The following CENPK variants were observed in gnomAD, a reference collection of about 807,000 sequenced individuals.
The protein encoded by CENPK is centromere protein K, also known as SoxLZ/Sox6-binding protein Solt.
In CENPK, 46 loss-of-function variants were observed where a neutral mutation model predicts 40.9. That is an observed-to-expected ratio of 1.13 (90% CI 0.89 to 1.44). The LOEUF is 1.44. Among genes scored for constraint, CENPK ranks in the 40% most tolerant of loss-of-function variants. CENPK has a pLI of 0.00. For synonymous variants in CENPK, 107 were observed against 104.4 expected (o/e 1.02, Z -0.15); for missense variants, 288 against 303.5 (o/e 0.95, Z 0.38).
chr5:65,506,314 T>C, the CENPK span, among the ~76,000 whole-genome samples: 4 of 149,802 alleles, frequency 2.7e-5, no homozygotes, highest in South Asian at 4.2e-4. Context: ...TCAAAGCCAC[T>C]GAACTCCAGC....
intron 1 of CENPK, among the ~76,000 whole-genome samples, chr5:65,562,302 T>C (rs571061440): frequency 6.6e-6 from 1 of 152,208 alleles, no homozygotes; most frequent in South Asian, 2.1e-4. Flanking sequence ...CAAGGGAAAT[T>C]TGTGAGACAC....
the CENPK span, among the ~76,000 whole-genome samples, chr5:65,497,877 C>T: frequency 6.6e-6 from 1 of 151,742 alleles, no homozygotes; most frequent in Non-Finnish European, 1.5e-5. Context: ...TTCAAACAAA[C>T]AAATAAATAA....
chr5:65,498,442 C>A, the CENPK span, among the ~76,000 whole-genome samples: 7 of 151,844 alleles, frequency 4.6e-5, no homozygotes, highest in Non-Finnish European at 1.0e-4. Context: ...TTCCTTTAAA[C>A]CTCTTTACCT....
At chr5:65,504,627 C>G in the CENPK span, among the ~76,000 whole-genome samples, 1 of 151,990 alleles carries the variant, frequency 6.6e-6, no homozygotes, top group Non-Finnish European at 1.5e-5. Flanking sequence ...TAGGCTAATA[C>G]AAACTTTGTA....
chr5:65,535,747 A>G (rs1242660558), intron 6 of CENPK, among the ~76,000 whole-genome samples: 1 of 152,212 alleles, frequency 6.6e-6, no homozygotes, highest in Non-Finnish European at 1.5e-5. Context: ...AACCAAGAGA[A>G]CAGCAGTTCT....
At chr5:65,558,169 T>G (rs955926093) in intron 2 of CENPK, among the ~76,000 whole-genome samples, 5 of 151,508 alleles carry the variant, frequency 3.3e-5, no homozygotes, top group Non-Finnish European at 7.4e-5. Flanking sequence ...CACACACATT[T>G]TTTTTTCTTT....
intron 3 of CENPK, 78 bp downstream of exon 3, chr5:65,554,719 T>C (rs1750697385): frequency 9.7e-6 from 8 of 822,180 alleles, no homozygotes. Flanking sequence ...AGCACAATCA[T>C]TTCTTTCCTG....
At position 65,532,203 on chromosome 5, in the gene CENPK, G is replaced by A. The variant is rs557884033; in HGVS notation, c.289-3004C>T. Reference sequence around the variant, plus strand: ...ATTTAGACAAATAAGAAATATGACTGGCTCCAGAGAAATAGAATTTGTAAT... The same window carrying A: ...ATTTAGACAAATAAGAAATATGACTAGCTCCAGAGAAATAGAATTTGTAAT... On this transcript the variant is annotated intron_variant, in intron 6 of 10. Coordinates refer to ENST00000396679, the MANE Select transcript of CENPK (RefSeq NM_022145.5). Among the ~76,000 whole-genome samples, 71 of 152,184 alleles carry A rather than the reference G, an allele frequency of 4.7e-4. No homozygotes were observed. The South Asian group carries it at 0.013, about 29-fold the overall frequency.
At chr5:65,496,916 G>T in the CENPK span, among the ~76,000 whole-genome samples, 1 of 151,698 alleles carries the variant, frequency 6.6e-6, no homozygotes, top group Non-Finnish European at 1.5e-5. Context: ...AATTAGCCAG[G>T]CGTGGTGGCG....
intron 8 of CENPK, 130 bp from the exon 9 acceptor site, chr5:65,528,708 T>A: frequency 8.4e-7 from 1 of 1,195,836 alleles, no homozygotes; most frequent in Non-Finnish European, 1.1e-6. Flanking sequence ...AACTACCTTT[T>A]TGAAAATCAT....
chr5:65,561,609 C>T, intron 1 of CENPK, 45 bp from the exon 2 acceptor site: 1 of 419,912 alleles, frequency 2.4e-6, no homozygotes, highest in Non-Finnish European at 4.8e-6. Context: ...CACACACACA[C>T]ACACACACAC....
At chr5:65,527,753 C>A (rs996957519) in intron 9 of CENPK, among the ~76,000 whole-genome samples, 4 of 151,772 alleles carry the variant, frequency 2.6e-5, no homozygotes, top group Non-Finnish European at 5.9e-5. Flanking sequence ...CAAAAAACCA[C>A]CCACAATCCT....
intron 6 of CENPK, among the ~76,000 whole-genome samples, chr5:65,540,628 G>T (rs781431182): frequency 3.3e-5 from 5 of 152,022 alleles, no homozygotes; most frequent in Non-Finnish European, 7.4e-5. Context: ...TTAATCAATC[G>T]TACCTACATA....
At chr5:65,543,235 C>A (rs6892213) in intron 5 of CENPK, among the ~76,000 whole-genome samples, 1 of 151,982 alleles carries the variant, frequency 6.6e-6, no homozygotes, top group African/African-American at 2.4e-5. Context: ...CAACTTTTTA[C>A]GAAATGTGTG....
chr5:65,545,320 GCGCGCACACA>G (rs1241999621), intron 5 of CENPK, among the ~76,000 whole-genome samples: 1 of 34,584 alleles, frequency 2.9e-5, no homozygotes. Flanking sequence ...AGTCCTCAAA[GCGCGCACACA>G]CACACACACA....
At chr5:65,537,968 T>G (rs1747263642) in intron 6 of CENPK, among the ~76,000 whole-genome samples, 1 of 152,222 alleles carries the variant, frequency 6.6e-6, no homozygotes, top group African/African-American at 2.4e-5. Flanking sequence ...AGAGTTACTC[T>G]TTTACCTTTT....
chr5:65,547,730 T>C (rs1229700333), intron 5 of CENPK, among the ~76,000 whole-genome samples: 1 of 152,086 alleles, frequency 6.6e-6, no homozygotes, highest in Non-Finnish European at 1.5e-5. Context: ...AGTGGCATGA[T>C]CTCGGCTCAC....
In CENPK at chr5:65,563,158, C is replaced by A; in HGVS notation, c.-202G>T. On this transcript the variant is annotated 5_prime_UTR_variant, in exon 1 of 11. Coordinates refer to ENST00000396679, the MANE Select transcript of CENPK (RefSeq NM_022145.5). ...CTGCGCAGGAAGCGCTTGCCAGCCC[C>A]GGACTTCTGCGCGCGCTGCATGCCC... 4 of 1,013,714 alleles carry A rather than the reference C, an allele frequency of 3.9e-6. No homozygotes were observed. 62.8% of individuals were successfully genotyped at this position (1,013,714 alleles called of 1,614,324 possible).
intron 10 of CENPK, 38 bp from the exon 11 acceptor site, chr5:65,518,671 GAAA>G (rs1233957049): frequency 7.1e-7 from 1 of 1,412,166 alleles, no homozygotes; most frequent in South Asian, 1.3e-5. Context: ...CTTTACTTGG[GAAA>G]AAGTCAATAT....
Sources: allele counts gnomAD v4.1 joint callset (sites outside exome capture counted in the v4.1 genomes callset), GRCh38; gene constraint gnomAD v4.1.1; transcripts MANE v1.5; gene names NCBI Gene and HGNC (gene_info 2026-07-23, HGNC 2026-07-21).